Variants in ZNF585B observed in about 807,000 individuals in gnomAD.
The protein encoded by ZNF585B is zinc finger protein 41-like protein.
Under a neutral mutation model 14.0 loss-of-function variants are expected in ZNF585B, and 7 were observed. The observed-to-expected ratio is 0.50, with a 90% CI of 0.28 to 0.94. The LOEUF (loss-of-function observed/expected upper bound fraction) is 0.94, where lower values mean the gene tolerates loss of function less well. Among genes scored for constraint, ZNF585B ranks in the 40% least tolerant of loss-of-function variants. ZNF585B has a pLI of 0.09. For synonymous variants in ZNF585B, 290 were observed against 317.3 expected, an observed-to-expected ratio of 0.91 and a Z score of 0.91; for missense variants, 750 against 924.4, an observed-to-expected ratio of 0.81 and a Z score of 2.45.
chr19:37,194,832 T>TA (rs1161400392), intron 2 of ZNF585B, among the ~76,000 whole-genome samples: 1 of 152,052 alleles, frequency 6.6e-6, no homozygotes, highest in Non-Finnish European at 1.5e-5. Context: ...CCCTAGGCTA[T>TA]AAAACCAACC....
rs1972297410 is a variant in ZNF585B, at chr19:37,184,403, A to AGAAG, written c.*823_*824insCTTC. 2 of 53,532 alleles carry AGAAG rather than the reference A, an allele frequency of 3.7e-5. No individual in the cohort carries two copies. The highest frequency in any genetic ancestry group is 2.0e-4 in the Admixed American group (1 of 4,954). 3.3% of individuals were successfully genotyped at this position (53,532 alleles called of 1,614,324 possible). On this transcript the variant is annotated 3_prime_UTR_variant, in exon 5 of 5. Coordinates refer to ENST00000532828, the MANE Select transcript of ZNF585B (RefSeq NM_152279.4). Reference sequence around the variant, plus strand: ...AAGAAAGAAAGAAAGAAAGAAAGAAAGAAAGAAAGAAAGAGAAAGAAAGAA... The same window carrying AGAAG: ...AAGAAAGAAAGAAAGAAAGAAAGAAAGAAGGAAAGAAAGAAAGAGAAAGAAAGAA...
chr19:37,200,211 C>T lies in ZNF585B; in HGVS notation c.72+6829G>A, dbSNP rs190177576. ...TAAAGTTTTTTTGTTTTTCAAGCAA[C>T]ACAGAAATAAAGGTCTCCTTGAAAG... is the stretch of plus-strand genomic sequence containing the variant. On this transcript the variant is annotated intron_variant, in intron 2 of 4. Transcript: ENST00000532828. Among the ~76,000 whole-genome samples the T allele has an allele frequency of 3.3e-5, 5 of 151,594 alleles. No homozygotes were observed. The East Asian group carries it at 9.7e-4, about 29-fold the overall frequency.
intron 1 of ZNF585B, among the ~76,000 whole-genome samples, chr19:37,210,066 A>G (rs1039162293): frequency 1.3e-5 from 2 of 152,150 alleles, no homozygotes; most frequent in African/African-American, 2.4e-5. Flanking sequence ...AATTACTGAA[A>G]AAAATTTTTA....
At chr19:37,198,573 T>TA (rs1214048099) in intron 2 of ZNF585B, among the ~76,000 whole-genome samples, 1 of 150,562 alleles carries the variant, frequency 6.6e-6, no homozygotes, top group Non-Finnish European at 1.5e-5. Flanking sequence ...CCAACTCTAC[T>TA]AAAAATACAA....
chr19:37,209,870 C>T (rs1156240928), intron 1 of ZNF585B, among the ~76,000 whole-genome samples: 1 of 151,856 alleles, frequency 6.6e-6, no homozygotes, highest in African/African-American at 2.4e-5. Flanking sequence ...CGCCCGCCAC[C>T]ACGCCCGGCT....
chr19:37,198,306 G>T (rs1054983186), intron 2 of ZNF585B, among the ~76,000 whole-genome samples: 2 of 151,962 alleles, frequency 1.3e-5, no homozygotes, highest in African/African-American at 4.8e-5. Flanking sequence ...CCAGTAGCTG[G>T]GATTACAGGC....
intron 2 of ZNF585B, among the ~76,000 whole-genome samples, chr19:37,200,811 C>G (rs565314261): frequency 7.9e-5 from 12 of 151,974 alleles, no homozygotes; most frequent in African/African-American, 2.9e-4. Flanking sequence ...AAAACAGAGG[C>G]CAGGCACGGT....
Position 37,184,400 on chromosome 19 carries a change from GAAAGAAAGAAAGAAAGAGAAAGAAAGAA to G in ZNF585B, c.*799_*826del, listed in dbSNP as rs1972297086. ...AGAAAGAAAGAAAGAAAGAAAGAAA[GAAAGAAAGAAAGAAAGAGAAAGAAAGAA>G]AAAGAAAGAAAGAAGGAAAGAAAGA... On this transcript the variant is annotated 3_prime_UTR_variant, in exon 5 of 5. Transcript: ENST00000532828. 2.0e-5 allele frequency: 1 copy of G among 49,520 alleles called. No homozygotes were observed. The highest frequency in any genetic ancestry group is 4.0e-5 in the Non-Finnish European group (1 of 25,004). The allele number at this position is 49,520 out of a possible 1,614,324, so 3.1% of individuals were successfully genotyped here.
chr19:37,184,356 A>AAAAGAAAGAAAGAAAGAAAGAAAGAAAG lies in ZNF585B; in HGVS notation c.*843_*870dup, dbSNP rs1217758768. Reference sequence around the variant, plus strand: ...CGACAGAGCAAGACTCTGTCTCAAAAAAAGAAAGAAAGAAAGAAAGAAAGA... The same window carrying AAAAGAAAGAAAGAAAGAAAGAAAGAAAG: ...CGACAGAGCAAGACTCTGTCTCAAAAAAAGAAAGAAAGAAAGAAAGAAAGAAAGAAAGAAAGAAAGAAAGAAAGAAAGA... On this transcript the variant is annotated 3_prime_UTR_variant, in exon 5 of 5. Transcript: ENST00000532828. 4 of 84,284 alleles carry AAAAGAAAGAAAGAAAGAAAGAAAGAAAG rather than the reference A, an allele frequency of 4.7e-5. No homozygotes were observed. The highest frequency in any genetic ancestry group is 7.0e-5 in the Non-Finnish European group (3 of 42,920). 5.2% of individuals were successfully genotyped at this position (84,284 alleles called of 1,614,324 possible). A position where few individuals can be genotyped will look rare whatever the true frequency, so the allele number is the denominator to read the frequency against.
At chr19:37,201,029 T>C (rs1383799636) in intron 2 of ZNF585B, among the ~76,000 whole-genome samples, 2 of 145,780 alleles carry the variant, frequency 1.4e-5, no homozygotes, top group Non-Finnish European at 3.0e-5. Flanking sequence ...AGCCAGAGAC[T>C]ACCATAAGGC....
chr19:37,188,579 G>A (rs760844813), intron 4 of ZNF585B, among the ~76,000 whole-genome samples: 5 of 152,222 alleles, frequency 3.3e-5, no homozygotes, highest in Non-Finnish European at 5.9e-5. Flanking sequence ...TGAGGCAAGA[G>A]AATCATTTGA....
Position 37,187,050 on chromosome 19 carries a change from A to G in ZNF585B, c.487T>C (p.Cys163Arg). ...TGEKLYVCIE[C>R]GRAFVQKPEF... is the part of the protein sequence containing the mutation. ...GGCTTCTGTACAAAAGCCCTCCCAC[A>G]TTCAATACATACATAGAGTTTTTCT... Residue 163 changes from cysteine to arginine, a missense_variant, in exon 5 of 5, where the codon TGT (cysteine) becomes CGT (arginine). Around this residue, in one of 2 missense-constraint regions of ZNF585B, gnomAD observed 517 missense variants for 570.3 expected, o/e 0.91. Transcript: ENST00000532828. 1 of 1,613,342 alleles carries G rather than the reference A, an allele frequency of 6.2e-7. No individual in the cohort carries two copies. Among genetic ancestry groups the G allele is most frequent in the Non-Finnish European group, 8.5e-7 (1 of 1,179,794 alleles).
rs531743517 is a variant in ZNF585B at position 37,192,648 on chromosome 19, T to C, written c.73-2498A>G. Among the ~76,000 whole-genome samples, 50 of 151,198 alleles carry C rather than the reference T, an allele frequency of 3.3e-4. 1 individual carries two copies. The highest frequency in any genetic ancestry group is 2.2e-3 in the Admixed American group (34 of 15,180). On this transcript the variant is annotated intron_variant, in intron 2 of 4. Transcript: ENST00000532828. Reference sequence around the variant, plus strand: ...CAACATGGTGAAACCCCATCTCTACTAAAAATACAAAAAATTAGCCAGGTG... The same window carrying C: ...CAACATGGTGAAACCCCATCTCTACCAAAAATACAAAAAATTAGCCAGGTG...
rs968464069 is a variant in ZNF585B, at chr19:37,207,747, C to T, written c.-143-493G>A. Among the ~76,000 whole-genome samples, 17 of 152,150 alleles carry T rather than the reference C, an allele frequency of 1.1e-4. No individual in the cohort carries two copies. In the East Asian group the frequency reaches 1.7e-3, roughly 16 times the overall value. ...ATGCCTCCCTGCCATGCAAGAATCA[C>T]GCAATAAATATCAGCAATTACCATG... On this transcript the variant is annotated intron_variant, in intron 1 of 4. Coordinates refer to ENST00000532828, the MANE Select transcript of ZNF585B (RefSeq NM_152279.4).
Position 37,207,034 on chromosome 19 carries a change from C to T in ZNF585B, c.72+6G>A, listed in dbSNP as rs372071473. The stretch of plus-strand genomic sequence containing the variant: ...AATTCCACCCCTTGGGACTCCTCCT[C>T]CTCACCTCATAGGAGCTGCCATGAT... On this transcript the variant is annotated splice_donor_region_variant and intron_variant, in intron 2 of 4. Transcript: ENST00000532828. The T allele has an allele frequency of 1.2e-5, 20 of 1,613,664 alleles. No individual in the cohort carries two copies. The highest frequency in any genetic ancestry group is 3.3e-5 in the Admixed American group (2 of 60,006).
chr19:37,188,716 C>G (rs1343644776), intron 4 of ZNF585B, among the ~76,000 whole-genome samples: 1 of 152,026 alleles, frequency 6.6e-6, no homozygotes, highest in Non-Finnish European at 1.5e-5. Flanking sequence ...GAGACCCTAA[C>G]AGTGTGGAAT....
Position 37,183,884 on chromosome 19 carries a change from A to G in ZNF585B, c.*1343T>C, listed in dbSNP as rs1421195389. The G allele has an allele frequency of 6.6e-6, 1 of 152,104 alleles. No individual in the cohort carries two copies. The highest frequency in any genetic ancestry group is 1.9e-4 in the East Asian group (1 of 5,188). 9.4% of individuals were successfully genotyped at this position (152,104 alleles called of 1,614,324 possible). A position where few individuals can be genotyped will look rare whatever the true frequency, so the allele number is the denominator to read the frequency against. Reference sequence around the variant, plus strand: ...CATGACTTATCAACTTATGAAAGTCAGATCATTAAGGAAAGTAAAATGCTG... The same window carrying G: ...CATGACTTATCAACTTATGAAAGTCGGATCATTAAGGAAAGTAAAATGCTG... On this transcript the variant is annotated 3_prime_UTR_variant, in exon 5 of 5. Coordinates refer to ENST00000532828, the MANE Select transcript of ZNF585B (RefSeq NM_152279.4).
chr19:37,199,148 A>C, intron 2 of ZNF585B: 1 of 588,400 alleles, frequency 1.7e-6, no homozygotes, highest in Non-Finnish European at 2.9e-6. Context: ...CCCAAACCCT[A>C]TGTTATCAAG....
intron 4 of ZNF585B, 63 bp downstream of exon 4, chr19:37,189,598 G>C (rs1276648522): frequency 6.3e-7 from 1 of 1,589,794 alleles, no homozygotes; most frequent in African/African-American, 1.3e-5. Flanking sequence ...TGTTTTTCAA[G>C]ACAGCTGAGA....
Sources: allele counts gnomAD v4.1 joint callset (sites outside exome capture counted in the v4.1 genomes callset), GRCh38; gene constraint gnomAD v4.1.1; regional missense constraint gnomAD v4.1.1; transcripts MANE v1.5; gene names NCBI Gene and HGNC (gene_info 2026-07-23, HGNC 2026-07-21).